KHDRBS2: variants seen among roughly 807,000 people sequenced by gnomAD.
The protein encoded by KHDRBS2 is KH RNA binding domain containing, signal transduction associated 2.
In KHDRBS2, 26 loss-of-function variants were observed where a neutral mutation model predicts 44.3. The observed-to-expected ratio is 0.59, with a 90% CI of 0.43 to 0.81. KHDRBS2 has a LOEUF of 0.81. Ranked by LOEUF, KHDRBS2 falls within the 40% of genes least tolerant of loss-of-function variation. The pLI is 0.00. For synonymous variants in KHDRBS2, 194 were observed against 151.1 expected (o/e 1.28, Z -2.08); for missense variants, 476 against 433.1 (o/e 1.10, Z -0.88).
At chr6:62,070,820 A>G (rs1794877407) in intron 2 of KHDRBS2, among the ~76,000 whole-genome samples, 1 of 152,154 alleles carries the variant, frequency 6.6e-6, no homozygotes, top group African/African-American at 2.4e-5. Flanking sequence ...GTGTCTTTAT[A>G]GCAGCATGAT....
the KHDRBS2 span, among the ~76,000 whole-genome samples, chr6:61,652,032 A>C: frequency 6.6e-6 from 1 of 152,108 alleles, no homozygotes; most frequent in African/African-American, 2.4e-5. Context: ...GACATCTGGA[A>C]ACTCCTTTCT....
intron 2 of KHDRBS2, among the ~76,000 whole-genome samples, chr6:62,147,759 G>A (rs866859953): frequency 6.6e-6 from 1 of 151,978 alleles, no homozygotes; most frequent in South Asian, 2.1e-4. Context: ...GTATGTATGT[G>A]ATAATAGTGA....
intron 4 of KHDRBS2, among the ~76,000 whole-genome samples, chr6:61,907,071 G>T (rs994019715): frequency 1.3e-5 from 2 of 151,982 alleles, no homozygotes; most frequent in Admixed American, 6.5e-5. Context: ...TGCCAGCATT[G>T]CTTGTCTTTT....
the KHDRBS2 span, among the ~76,000 whole-genome samples, chr6:61,580,746 T>C: frequency 0.61 from 93,192 of 151,584 alleles, 28,837 homozygotes; most frequent in Non-Finnish European, 0.65. Flanking sequence ...TGCGGCTTCA[T>C]TCCTGAAGTC....
intron 1 of KHDRBS2, among the ~76,000 whole-genome samples, chr6:62,222,904 C>T (rs1382537267): frequency 6.6e-6 from 1 of 152,174 alleles, no homozygotes; most frequent in Non-Finnish European, 1.5e-5. Context: ...TACAACCTCC[C>T]TCCTGGCTGC....
intron 2 of KHDRBS2, among the ~76,000 whole-genome samples, chr6:62,064,205 C>A (rs1360343524): frequency 1.5e-5 from 2 of 130,644 alleles, no homozygotes; most frequent in African/African-American, 5.5e-5. Flanking sequence ...GCCATACTGC[C>A]CAAGGTAATT....
intron 1 of KHDRBS2, among the ~76,000 whole-genome samples, chr6:62,234,552 G>A (rs564575581): frequency 2.0e-5 from 3 of 151,968 alleles, no homozygotes; most frequent in Non-Finnish European, 2.9e-5. Context: ...TTAAAAATAC[G>A]GTTTTAAAAA....
At chr6:62,177,357 T>C (rs999931872) in intron 1 of KHDRBS2, 45 bp from the exon 2 acceptor site, 10 of 1,467,658 alleles carry the variant, frequency 6.8e-6, no homozygotes, top group South Asian at 3.7e-5. Context: ...TGAGGAACAA[T>C]GTTATCATAA....
chr6:61,789,198 A>C (rs1045102179), intron 6 of KHDRBS2, among the ~76,000 whole-genome samples: 2 of 151,492 alleles, frequency 1.3e-5, no homozygotes, highest in African/African-American at 4.8e-5. Flanking sequence ...TTATTAGTTA[A>C]TATTTGTAGA....
the KHDRBS2 span, among the ~76,000 whole-genome samples, chr6:61,562,426 A>C: frequency 6.6e-6 from 1 of 152,214 alleles, no homozygotes; most frequent in Non-Finnish European, 1.5e-5. Context: ...TATAAAGACT[A>C]ATACATATTA....
chr6:61,658,869 T>C, the KHDRBS2 span, among the ~76,000 whole-genome samples: 1 of 97,044 alleles, frequency 1.0e-5, no homozygotes, highest in African/African-American at 3.9e-5. Flanking sequence ...GAACTTACTC[T>C]GCACTAGTAA....
intron 8 of KHDRBS2, 137 bp from the exon 9 acceptor site, chr6:61,681,197 T>C (rs1766253711): frequency 1.6e-6 from 1 of 623,856 alleles, no homozygotes; most frequent in Non-Finnish European, 2.9e-6. Context: ...TTTTTCCACA[T>C]CGTGAGACCA....
intron 6 of KHDRBS2, among the ~76,000 whole-genome samples, chr6:61,749,309 C>A (rs558526237): frequency 6.6e-6 from 1 of 151,938 alleles, no homozygotes; most frequent in Non-Finnish European, 1.5e-5. Flanking sequence ...CACCGTGCCC[C>A]GCCTTTCAAT....
chr6:61,669,710 C>T, the KHDRBS2 span, among the ~76,000 whole-genome samples: 1 of 150,896 alleles, frequency 6.6e-6, no homozygotes. Flanking sequence ...ATTAACATAG[C>T]TCATAATTCT....
intron 2 of KHDRBS2, among the ~76,000 whole-genome samples, chr6:62,090,571 T>A (rs1430457753): frequency 2.6e-5 from 4 of 151,216 alleles, no homozygotes; most frequent in African/African-American, 7.3e-5. Flanking sequence ...TTTTTTTTTT[T>A]AATTTTACTT....
chr6:61,574,434 C>T, the KHDRBS2 span: 1 of 1,464,746 alleles, frequency 6.8e-7, no homozygotes, highest in Non-Finnish European at 9.1e-7. Flanking sequence ...TATGGAGCTT[C>T]AATTTACCAA....
chr6:61,840,947 C>T (rs1793507743), intron 6 of KHDRBS2, among the ~76,000 whole-genome samples: 1 of 152,050 alleles, frequency 6.6e-6, no homozygotes, highest in Admixed American at 6.6e-5. Flanking sequence ...TGGAGGCCAA[C>T]TGTTTCATGT....
At chr6:62,056,810 C>A (rs568062918) in intron 2 of KHDRBS2, among the ~76,000 whole-genome samples, 44 of 152,082 alleles carry the variant, frequency 2.9e-4, no homozygotes, top group African/African-American at 9.9e-4. Context: ...AAATTTCACA[C>A]AATCCCGGCT....
chr6:61,681,337 A>C (rs896537953), intron 8 of KHDRBS2, among the ~76,000 whole-genome samples: 1 of 151,896 alleles, frequency 6.6e-6, no homozygotes, highest in Non-Finnish European at 1.5e-5. Context: ...GAATTCTTAA[A>C]AATAAATAAA....
Sources: gnomAD v4.1 joint callset for allele counts (sites outside exome capture counted in the v4.1 genomes callset) on GRCh38, gnomAD v4.1.1 for gene constraint, MANE v1.5 for transcripts, NCBI Gene and HGNC (gene_info 2026-07-23, HGNC 2026-07-21) for gene names.